SH2D4B: variants seen among roughly 807,000 people sequenced by gnomAD.
SH2D4B encodes the protein SH2 domain containing 4B, also known as SH2 domain-containing protein 4B.
Under a neutral mutation model 61.5 loss-of-function variants are expected in SH2D4B, and 45 were observed. The observed-to-expected ratio is 0.73, with a 90% CI of 0.58 to 0.94. The LOEUF is 0.94. Ranked by LOEUF, SH2D4B falls within the 40% of genes least tolerant of loss-of-function variation. The pLI is 0.00. For synonymous variants in SH2D4B, 224 were observed against 220.4 expected (o/e 1.02, Z -0.14); for missense variants, 572 against 574.2 (o/e 1.00, Z 0.04).
chr10:80,609,441 C>G lies in SH2D4B; in HGVS notation c.878C>G (p.Pro293Arg), dbSNP rs112089423. 6.2e-7 allele frequency: 1 copy of G among 1,613,958 alleles called. No homozygotes were observed. The highest frequency in any genetic ancestry group is 8.5e-7 in the Non-Finnish European group (1 of 1,179,932). Residue 293 changes from proline to arginine, a missense_variant, in exon 6 of 8, where the codon CCG becomes CGG. Pro to Arg is a moderately radical substitution (Grantham distance 103, BLOSUM62 -2). Transcript: ENST00000646907. ...ALPVSRTWER[P>R]LRPVSRDVIV... The stretch of plus-strand genomic sequence containing the variant: ...CTCTTCAGCAGGACCTGGGAGCGCC[C>G]GCTGCGCCCAGTCTCCAGAGATGTC...
rs1218847070 is a variant in SH2D4B at position 80,646,306 on chromosome 10, C to T, written c.*2221C>T. 6.6e-6 allele frequency: 1 copy of T among 152,604 alleles called. No individual in the cohort carries two copies. Among genetic ancestry groups the T allele is most frequent in the Non-Finnish European group, 1.5e-5 (1 of 68,030 alleles). The allele number at this position is 152,604 out of a possible 1,614,324, so 9.5% of individuals were successfully genotyped here. A position where few individuals can be genotyped will look rare whatever the true frequency, so the allele number is the denominator to read the frequency against. ...ACTGAGATGAGTTGAGACCCTGAAT[C>T]CCTGGGCTGTTGTTCCTGTCACCCC... On this transcript the variant is annotated 3_prime_UTR_variant, in exon 8 of 8. Transcript: ENST00000646907.
chr10:80,617,784 T>A (rs907802078), intron 6 of SH2D4B, among the ~76,000 whole-genome samples: 2 of 152,240 alleles, frequency 1.3e-5, no homozygotes, highest in East Asian at 3.8e-4. Flanking sequence ...TTGTTTTCTA[T>A]GTTGTTTTCA....
intron 3 of SH2D4B, among the ~76,000 whole-genome samples, chr10:80,581,807 C>A (rs1842188261): frequency 1.3e-5 from 2 of 152,196 alleles, no homozygotes; most frequent in Admixed American, 1.3e-4. Flanking sequence ...GTCCCTCTGG[C>A]TCTGACAGGC....
intron 4 of SH2D4B, among the ~76,000 whole-genome samples, chr10:80,589,660 T>C (rs890091330): frequency 2.0e-5 from 3 of 152,152 alleles, no homozygotes; most frequent in African/African-American, 7.2e-5. Context: ...AGCAGACAGA[T>C]ATATAGACTA....
chr10:80,571,696 G>A lies in SH2D4B; in HGVS notation c.495+118G>A, dbSNP rs557735002. On this transcript the variant is annotated intron_variant, in intron 3 of 7. Transcript: ENST00000646907. ...TTGGTTGGTACTGGGTGCTTTATGA[G>A]AATAGAAATCTGTAATGTCTGAGCA... 1.2e-4 allele frequency: 138 copies of A among 1,135,088 alleles called. No homozygotes were observed. The African/African-American group carries it at 1.9e-3, about 16-fold the overall frequency. The allele number at this position is 1,135,088 out of a possible 1,614,324, so 70.3% of individuals were successfully genotyped here.
Position 80,568,233 on chromosome 10 carries a change from G to C in SH2D4B, c.185-1921G>C, listed in dbSNP as rs140369649. On this transcript the variant is annotated intron_variant, in intron 1 of 7. Coordinates refer to ENST00000646907, the MANE Select transcript of SH2D4B (RefSeq NM_001388272.1). ...GACAGGATGGGATTAATCATGCAAG[G>C]GTTTTATTAAGGGAAATGTCTGGGA... is the stretch of plus-strand genomic sequence containing the variant. 6.9e-4 allele frequency among the ~76,000 whole-genome samples: 105 copies of C among 152,162 alleles called. 1 individual carries two copies. Among genetic ancestry groups the C allele is most frequent in the African/African-American group, 2.5e-3 (102 of 41,506 alleles).
intron 5 of SH2D4B, among the ~76,000 whole-genome samples, chr10:80,606,637 T>C (rs1012949990): frequency 1.1e-4 from 16 of 152,212 alleles, no homozygotes; most frequent in Non-Finnish European, 2.2e-4. Flanking sequence ...CATGAGTCAC[T>C]GTGCCCGGCC....
intron 1 of SH2D4B, among the ~76,000 whole-genome samples, chr10:80,546,775 C>G (rs1173252452): frequency 1.3e-5 from 2 of 152,136 alleles, no homozygotes; most frequent in African/African-American, 2.4e-5. Flanking sequence ...GATCCGTCCG[C>G]CTCGGCCTCC....
At chr10:80,635,124 C>G (rs965737088) in intron 7 of SH2D4B, among the ~76,000 whole-genome samples, 1 of 152,162 alleles carries the variant, frequency 6.6e-6, no homozygotes, top group Admixed American at 6.5e-5. Flanking sequence ...TACAGAGCAG[C>G]GCTTTGTGAC....
intron 1 of SH2D4B, among the ~76,000 whole-genome samples, chr10:80,561,948 A>G (rs1384341046): frequency 1.3e-5 from 2 of 152,034 alleles, no homozygotes. Flanking sequence ...AGCAGATATG[A>G]GTAATCCACC....
At chr10:80,546,695 T>C (rs968635577) in intron 1 of SH2D4B, among the ~76,000 whole-genome samples, 6 of 152,006 alleles carry the variant, frequency 3.9e-5, no homozygotes, top group Non-Finnish European at 7.4e-5. Context: ...CCGGCTAATT[T>C]TTTTTGTATT....
intron 3 of SH2D4B, 47 bp downstream of exon 3, chr10:80,571,625 C>T (rs752971802): frequency 6.2e-7 from 1 of 1,605,576 alleles, no homozygotes. Context: ...TAATTAGCCC[C>T]TGAGACCACT....
chr10:80,583,654 T>C (rs2132126413), intron 3 of SH2D4B, among the ~76,000 whole-genome samples: 1 of 151,906 alleles, frequency 6.6e-6, no homozygotes. Context: ...TGGGTGACAG[T>C]GAGACTCTGT....
chr10:80,634,527 A>AT, intron 7 of SH2D4B, 22 bp downstream of exon 7: 7 of 1,545,232 alleles, frequency 4.5e-6, no homozygotes, highest in Non-Finnish European at 6.1e-6. Context: ...AGGGATACTA[A>AT]TGGGGGGGAG....
At chr10:80,598,118 A>C (rs938224550) in intron 4 of SH2D4B, among the ~76,000 whole-genome samples, 1 of 152,188 alleles carries the variant, frequency 6.6e-6, no homozygotes, top group Non-Finnish European at 1.5e-5. Flanking sequence ...AGCTCTGCCC[A>C]CTTACTAGTG....
At chr10:80,540,269 G>T (rs1298785238) in intron 1 of SH2D4B, among the ~76,000 whole-genome samples, 2 of 152,102 alleles carry the variant, frequency 1.3e-5, no homozygotes, top group Non-Finnish European at 2.9e-5. Context: ...TCTTTGCTTC[G>T]GTCCTGCCTT....
At chr10:80,552,141 C>T (rs1001866963) in intron 1 of SH2D4B, among the ~76,000 whole-genome samples, 1 of 152,176 alleles carries the variant, frequency 6.6e-6, no homozygotes, top group African/African-American at 2.4e-5. Context: ...ACTAGGGTTT[C>T]AATGTATGAA....
At chr10:80,615,823 T>C (rs936405992) in intron 6 of SH2D4B, among the ~76,000 whole-genome samples, 31 of 152,314 alleles carry the variant, frequency 2.0e-4, no homozygotes, top group African/African-American at 7.0e-4. Context: ...TAGCAAGGAA[T>C]TGCTGAAGAA....
At chr10:80,554,289 AG>A (rs999017797) in intron 1 of SH2D4B, among the ~76,000 whole-genome samples, 12 of 152,168 alleles carry the variant, frequency 7.9e-5, no homozygotes, top group African/African-American at 2.9e-4. Context: ...GTAGGCACAG[AG>A]GGGGACATCT....
Sources: gnomAD v4.1 joint callset for allele counts (sites outside exome capture counted in the v4.1 genomes callset) on GRCh38, gnomAD v4.1.1 for gene constraint, MANE v1.5 for transcripts, NCBI Gene and HGNC (gene_info 2026-07-23, HGNC 2026-07-21) for gene names.